The following AGO1 variants were observed in gnomAD, a reference collection of about 807,000 sequenced individuals.
AGO1 encodes argonaute RISC component 1.
A neutral mutation model predicts 109.2 loss-of-function variants in AGO1; 11 were observed. The observed-to-expected ratio is 0.10, with a 90% confidence interval of 0.06 to 0.17. AGO1 has a LOEUF of 0.17. Ranked by LOEUF, AGO1 falls within the 10% of genes least tolerant of loss-of-function variation. The probability of loss-of-function intolerance (pLI) is 1.00; values close to 1 mark genes in which losing one functional copy is unlikely to be tolerated. For synonymous variants in AGO1, 422 were observed against 418.6 expected, an observed-to-expected ratio of 1.01 and a Z score of -0.10; for missense variants, 574 against 1,140.3, an observed-to-expected ratio of 0.50 and a Z score of 7.15.
chr1:35,912,079 C>T lies in AGO1; in HGVS notation c.1583-1763C>T, dbSNP rs139868266. Reference sequence around the variant, plus strand: ...GTGATCTCAAGATCATGCCTTCGGCCGGGCGCGGTGGCTCACGCGTGTAAT... The same window carrying T: ...GTGATCTCAAGATCATGCCTTCGGCTGGGCGCGGTGGCTCACGCGTGTAAT... On this transcript the variant is annotated intron_variant, in intron 12 of 18. Coordinates refer to ENST00000373204, the MANE Select transcript of AGO1 (RefSeq NM_012199.5). 4.3e-4 allele frequency among the ~76,000 whole-genome samples: 65 copies of T among 152,178 alleles called. No homozygotes were observed. In the South Asian group the frequency reaches 5.2e-3, roughly 12 times the overall value.
At chr1:35,887,929 C>T (rs1316857453) in intron 1 of AGO1, among the ~76,000 whole-genome samples, 1 of 152,192 alleles carries the variant, frequency 6.6e-6, no homozygotes, top group African/African-American at 2.4e-5. Context: ...CTGACCCTGC[C>T]CTCTCCAGCC....
intron 8 of AGO1, among the ~76,000 whole-genome samples, chr1:35,898,282 A>G (rs868708055): frequency 2.7e-5 from 4 of 149,436 alleles, no homozygotes; most frequent in African/African-American, 9.9e-5. Flanking sequence ...TTTGAGACGG[A>G]GTATCGCTCT....
Position 35,906,922 on chromosome 1 carries a change from T to C in AGO1, c.1398-13T>C, listed in dbSNP as rs1645532515. ...AGACTCACTGCCTCCTTTGTGACCATGCGTGTGTACAGGAACTTCACAGAC... is the reference window on the plus strand; with the variant it reads ...AGACTCACTGCCTCCTTTGTGACCACGCGTGTGTACAGGAACTTCACAGAC... On this transcript the variant is annotated splice_polypyrimidine_tract_variant and intron_variant, in intron 11 of 18. Transcript: ENST00000373204. 4.4e-6 allele frequency: 7 copies of C among 1,602,974 alleles called. No individual in the cohort carries two copies. Among genetic ancestry groups the C allele is most frequent in the African/African-American group, 1.3e-5 (1 of 74,882 alleles).
At chr1:35,917,510 G>C in intron 15 of AGO1, 83 bp from the exon 16 acceptor site, 1 of 1,434,504 alleles carries the variant, frequency 7.0e-7, no homozygotes, top group African/African-American at 1.4e-5. Context: ...ATTACAAGTG[G>C]CAACTCCTTA....
chr1:35,906,128 A>G (rs1211444097), intron 11 of AGO1, among the ~76,000 whole-genome samples: 3 of 152,178 alleles, frequency 2.0e-5, no homozygotes, highest in Non-Finnish European at 4.4e-5. Flanking sequence ...CCTCTCTTGC[A>G]ACTTTGTCTT....
At chr1:35,902,664 G>A (rs1645438936) in intron 11 of AGO1, among the ~76,000 whole-genome samples, 1 of 152,170 alleles carries the variant, frequency 6.6e-6, no homozygotes, top group Admixed American at 6.5e-5. Flanking sequence ...TTATACTTAA[G>A]TACCTAATTT....
At chr1:35,874,266 C>CA (rs1308185313) in intron 1 of AGO1, among the ~76,000 whole-genome samples, 1 of 152,180 alleles carries the variant, frequency 6.6e-6, no homozygotes, top group African/African-American at 2.4e-5. Flanking sequence ...CTCCTGGGCT[C>CA]AATCGATCCT....
At chr1:35,903,305 CTT>C (rs11347939) in intron 11 of AGO1, among the ~76,000 whole-genome samples, 35 of 144,548 alleles carry the variant, frequency 2.4e-4, no homozygotes, top group African/African-American at 6.5e-4. Flanking sequence ...TGTGCCCGGC[CTT>C]TTTTTTTTTT....
chr1:35,905,865 A>G (rs944064081), intron 11 of AGO1, among the ~76,000 whole-genome samples: 1 of 152,210 alleles, frequency 6.6e-6, no homozygotes, highest in Non-Finnish European at 1.5e-5. Flanking sequence ...AATTTTGCAT[A>G]ATAGTATCAG....
intron 1 of AGO1, among the ~76,000 whole-genome samples, chr1:35,873,923 T>C (rs781022678): frequency 6.6e-6 from 1 of 152,210 alleles, no homozygotes; most frequent in Non-Finnish European, 1.5e-5. Context: ...TTTTTACAAA[T>C]TGAAGGTTTT....
At position 35,892,979 on chromosome 1, in the gene AGO1, A is replaced by G. The variant is rs1367070875; in HGVS notation, c.331-118A>G. 1.0e-4 allele frequency: 115 copies of G among 1,099,804 alleles called. 1 individual carries two copies. The highest frequency in any genetic ancestry group is 3.1e-5 in the South Asian group (2 of 64,082). The allele number at this position is 1,099,804 out of a possible 1,614,324, so 68.1% of individuals were successfully genotyped here. On this transcript the variant is annotated intron_variant, in intron 3 of 18. Transcript: ENST00000373204. ...ACCTAAGGGGCTAGACTTACTCTGG[A>G]TTTTCATTATGAGCCCCTATCAACT... is the stretch of plus-strand genomic sequence containing the variant.
chr1:35,917,609 T>C lies in AGO1; in HGVS notation c.2045T>C (p.Leu682Pro). ...TGTGCCTAGATACTCCACTATGAGC[T>C]ACTGGCCATTCGTGATGCCTGCATC... is the stretch of plus-strand genomic sequence containing the variant. ...GQLPQILHYE[L>P]LAIRDACIKL... The change falls in exon 16 of 19, where the codon CTA (leucine) becomes CCA (proline). Residue 682 changes from leucine (L) to proline (P), a missense_variant. This residue lies in a region of AGO1 where 45 missense variants were observed against 61.3 expected (regional missense o/e 0.73). Transcript: ENST00000373204. 1 of 1,613,546 alleles carries C rather than the reference T, an allele frequency of 6.2e-7. No homozygotes were observed. Among genetic ancestry groups the C allele is most frequent in the Non-Finnish European group, 8.5e-7 (1 of 1,179,524 alleles).
chr1:35,914,771 T>C (rs1195103127), intron 14 of AGO1, among the ~76,000 whole-genome samples: 1 of 152,206 alleles, frequency 6.6e-6, no homozygotes, highest in African/African-American at 2.4e-5. Context: ...TCCTAAACCC[T>C]CACATTTCTG....
chr1:35,872,366 A>G (rs1644958632), intron 1 of AGO1, among the ~76,000 whole-genome samples: 1 of 151,586 alleles, frequency 6.6e-6, no homozygotes, highest in Non-Finnish European at 1.5e-5. Flanking sequence ...TTGTATTTTT[A>G]GTAGAGACAA....
In AGO1 at chr1:35,922,710, A is replaced by T. The variant is rs928691509; in HGVS notation, c.*3103A>T. On this transcript the variant is annotated 3_prime_UTR_variant, in exon 19 of 19. Coordinates refer to ENST00000373204, the MANE Select transcript of AGO1 (RefSeq NM_012199.5). ...TGGCAGGGTCAGGCTTAGCTCCTTG[A>T]CTGCAGAAGACCAAGAACCTGTTCC... 1.3e-5 allele frequency: 2 copies of T among 152,360 alleles called. No homozygotes were observed. Among genetic ancestry groups the T allele is most frequent in the African/African-American group, 4.8e-5 (2 of 41,430 alleles). The allele number at this position is 152,360 out of a possible 1,614,324, so 9.4% of individuals were successfully genotyped here.
chr1:35,874,625 A>G (rs1179665258), intron 1 of AGO1, among the ~76,000 whole-genome samples: 1 of 152,200 alleles, frequency 6.6e-6, no homozygotes. Flanking sequence ...TGAAAGGAGG[A>G]GTTGCACATC....
rs1044399410 is a variant in AGO1 at position 35,883,889 on chromosome 1, T to A, written c.25+443T>A. On this transcript the variant is annotated intron_variant, in intron 1 of 18. Coordinates refer to ENST00000373204, the MANE Select transcript of AGO1 (RefSeq NM_012199.5). This position sits in a 1 kb window ranked among gnomAD's most constrained non-coding sequence, Gnocchi z 5.4. ...GTCTCTTGGGAGAAGGCGCCAGAGC[T>A]GGACTGTGAGCTCCGCCCCACTGGG... Among the ~76,000 whole-genome samples, 5 of 152,144 alleles carry A rather than the reference T, an allele frequency of 3.3e-5. No individual in the cohort carries two copies. Among genetic ancestry groups the A allele is most frequent in the Non-Finnish European group, 7.4e-5 (5 of 68,012 alleles).
In AGO1 at chr1:35,902,082, CA is replaced by C; in HGVS notation, c.1263+13del. The C allele has an allele frequency of 1.3e-6, 2 of 1,593,320 alleles. No individual in the cohort carries two copies. Among genetic ancestry groups the C allele is most frequent in the Non-Finnish European group, 1.7e-6 (2 of 1,169,100 alleles). On this transcript the variant is annotated intron_variant, in intron 10 of 18. Coordinates refer to ENST00000373204, the MANE Select transcript of AGO1 (RefSeq NM_012199.5). ...AGTACGGCGGCCGGGTGAGCAGGGT[CA>C]GGGCCAGACAACATCTCGGGGCATA...
Position 35,901,363 on chromosome 1 carries a change from C to A in AGO1, c.1021-111C>A. On this transcript the variant is annotated intron_variant, in intron 8 of 18. Coordinates refer to ENST00000373204, the MANE Select transcript of AGO1 (RefSeq NM_012199.5). This position sits in a 1 kb window ranked among gnomAD's most constrained non-coding sequence, Gnocchi z 4.8. ...ATACATGTATGCACAACGGATTTTG[C>A]AGTTCCCTTCCCCATGGCTGACAGC... 7.2e-7 allele frequency: 1 copy of A among 1,395,888 alleles called. No homozygotes were observed. Among genetic ancestry groups the A allele is most frequent in the Non-Finnish European group, 9.9e-7 (1 of 1,009,014 alleles). The allele number at this position is 1,395,888 out of a possible 1,614,324, so 86.5% of individuals were successfully genotyped here.
Sources: gnomAD v4.1 joint callset for allele counts (sites outside exome capture counted in the v4.1 genomes callset) on GRCh38, gnomAD v4.1.1 for gene constraint, gnomAD v4.1.1 regional missense constraint, Gnocchi (gnomAD v3.1) non-coding constraint, MANE v1.5 for transcripts, NCBI Gene and HGNC (gene_info 2026-07-23, HGNC 2026-07-21) for gene names.